Variants in DACH1 observed in about 807,000 individuals in gnomAD.
The protein encoded by DACH1 is dachshund family transcription factor 1, also known as dachshund homolog 1.
A neutral mutation model predicts 54.2 loss-of-function variants in DACH1; 12 were observed. The observed-to-expected ratio is 0.22, with a 90% CI of 0.14 to 0.36. The LOEUF is 0.36. Among genes scored for constraint, DACH1 ranks in the 10% least tolerant of loss-of-function variants. DACH1 has a pLI of 1.00. For synonymous variants in DACH1, 386 were observed against 366.2 expected (o/e 1.05, Z -0.62); for missense variants, 805 against 929.8 (o/e 0.87, Z 1.75).
intron 3 of DACH1, among the ~76,000 whole-genome samples, chr13:71,611,647 T>C (rs545790950): frequency 2.9e-4 from 44 of 152,310 alleles, no homozygotes; most frequent in Non-Finnish European, 5.1e-4. Context: ...AAAAAGCAAA[T>C]TGTATTGCTT....
At position 71,565,036 on chromosome 13, in the gene DACH1, C is replaced by T. The variant is rs552435348; in HGVS notation, c.1300-5081G>A. Among the ~76,000 whole-genome samples the T allele has an allele frequency of 9.0e-4, 137 of 152,172 alleles. 1 individual carries two copies. Among genetic ancestry groups the T allele is most frequent in the African/African-American group, 3.1e-3 (127 of 41,524 alleles). On this transcript the variant is annotated intron_variant, in intron 4 of 10. Coordinates refer to ENST00000613252, the MANE Select transcript of DACH1 (RefSeq NM_080759.6). The stretch of plus-strand genomic sequence containing the variant: ...TCCCTGGTTCAAGCAATTCTCCTAC[C>T]TCAGCCTCTGAGTAGCTGGGATTAC...
intron 7 of DACH1, among the ~76,000 whole-genome samples, chr13:71,482,446 G>A (rs560296485): frequency 1.5e-3 from 223 of 152,204 alleles, no homozygotes; most frequent in South Asian, 0.012. Context: ...AAGGTTTCTC[G>A]AGTGTCACTG....
chr13:71,781,978 T>C (rs1260235155), intron 1 of DACH1, among the ~76,000 whole-genome samples: 2 of 152,194 alleles, frequency 1.3e-5, no homozygotes, highest in Non-Finnish European at 2.9e-5. Flanking sequence ...ATTACTGCAA[T>C]AAGTACCAAT....
intron 6 of DACH1, among the ~76,000 whole-genome samples, chr13:71,513,025 G>A (rs949876510): frequency 4.0e-5 from 6 of 151,696 alleles, no homozygotes; most frequent in South Asian, 4.1e-4. Flanking sequence ...TAATAGACAC[G>A]GTAAAGAAAT....
At chr13:71,525,770 T>G (rs1415703903) in intron 6 of DACH1, among the ~76,000 whole-genome samples, 2 of 152,108 alleles carry the variant, frequency 1.3e-5, no homozygotes, top group Non-Finnish European at 2.9e-5. Context: ...ATCAAAAACT[T>G]TAAGATTAAT....
At chr13:71,545,953 G>T (rs1474154872) in intron 6 of DACH1, among the ~76,000 whole-genome samples, 2 of 152,092 alleles carry the variant, frequency 1.3e-5, no homozygotes, top group Non-Finnish European at 1.5e-5. Context: ...AAACTTAGAA[G>T]AAGAGCACAG....
At chr13:71,775,815 T>C (rs1566492811) in intron 1 of DACH1, among the ~76,000 whole-genome samples, 1 of 152,156 alleles carries the variant, frequency 6.6e-6, no homozygotes, top group Non-Finnish European at 1.5e-5. Context: ...ACATTAGTAT[T>C]TTCAATTTTA....
intron 7 of DACH1, among the ~76,000 whole-genome samples, chr13:71,485,919 G>GTT (rs1250564500): frequency 1.3e-5 from 2 of 151,516 alleles, no homozygotes; most frequent in East Asian, 3.9e-4. Flanking sequence ...CAGGAATTCA[G>GTT]TATAGCTCAA....
At chr13:71,716,293 G>A (rs751540210) in intron 1 of DACH1, among the ~76,000 whole-genome samples, 2 of 151,968 alleles carry the variant, frequency 1.3e-5, no homozygotes, top group Non-Finnish European at 2.9e-5. Flanking sequence ...ACTGACCTAA[G>A]TGTTCTATAT....
At position 71,440,630 on chromosome 13, in the gene DACH1, C is replaced by T. The variant is rs778020008; in HGVS notation, c.*25G>A. ...CTGACTGCAAAGTTCTTTTCTATAA[C>T]ATGGATTTCTTCAACAGGAAAGATT... On this transcript the variant is annotated 3_prime_UTR_variant, in exon 11 of 11. Transcript: ENST00000613252. 2.0e-5 allele frequency: 31 copies of T among 1,581,716 alleles called. No individual in the cohort carries two copies. Among genetic ancestry groups the T allele is most frequent in the Middle Eastern group, 1.7e-4 (1 of 6,000 alleles).
chr13:71,840,457 G>T (rs1872763496), intron 1 of DACH1, among the ~76,000 whole-genome samples: 1 of 152,020 alleles, frequency 6.6e-6, no homozygotes, highest in African/African-American at 2.4e-5. Context: ...TCTTGAGCTG[G>T]CCGGTTCCTA....
chr13:71,500,951 TCTTAA>T (rs546261675), intron 6 of DACH1, among the ~76,000 whole-genome samples: 221 of 152,208 alleles, frequency 1.5e-3, no homozygotes, highest in African/African-American at 2.1e-3. Context: ...GACCCCTTTA[TCTTAA>T]CTTAAGCATT....
intron 3 of DACH1, among the ~76,000 whole-genome samples, chr13:71,604,745 C>G (rs1417575946): frequency 6.6e-6 from 1 of 151,850 alleles, no homozygotes. Flanking sequence ...GGCAATGGAG[C>G]AATTTCTCAT....
chr13:71,856,160 A>T (rs1024768748), intron 1 of DACH1, among the ~76,000 whole-genome samples: 2 of 151,918 alleles, frequency 1.3e-5, no homozygotes, highest in African/African-American at 4.8e-5. Context: ...ATCAAATTTG[A>T]CCCAGAAGGC....
intron 6 of DACH1, among the ~76,000 whole-genome samples, chr13:71,497,859 GACACACACACACACACACACACAC>G (rs6145114): frequency 6.8e-6 from 1 of 146,314 alleles, no homozygotes; most frequent in Non-Finnish European, 1.5e-5. Flanking sequence ...AATATGTGTT[GACACACACACACACACACACACAC>G]ACACACACAC....
chr13:71,834,418 C>T (rs1467556825), intron 1 of DACH1, among the ~76,000 whole-genome samples: 1 of 151,858 alleles, frequency 6.6e-6, no homozygotes, highest in South Asian at 2.1e-4. Context: ...ATAACACGCC[C>T]GTGAAGTAAG....
At chr13:71,722,094 G>T (rs1883254392) in intron 1 of DACH1, among the ~76,000 whole-genome samples, 1 of 152,076 alleles carries the variant, frequency 6.6e-6, no homozygotes, top group Non-Finnish European at 1.5e-5. Flanking sequence ...TATACAACCA[G>T]CATATGCCAT....
chr13:71,563,487 G>C (rs1282319794), intron 4 of DACH1, among the ~76,000 whole-genome samples: 1 of 151,830 alleles, frequency 6.6e-6, no homozygotes, highest in Non-Finnish European at 1.5e-5. Flanking sequence ...CAATTATTAT[G>C]CCATTAAAAT....
intron 1 of DACH1, among the ~76,000 whole-genome samples, chr13:71,788,369 T>G (rs1256646549): frequency 6.6e-6 from 1 of 152,178 alleles, no homozygotes; most frequent in African/African-American, 2.4e-5. Context: ...GCCAAACCTG[T>G]GGCTTTTATA....
Sources: allele counts gnomAD v4.1 joint callset (sites outside exome capture counted in the v4.1 genomes callset), GRCh38; gene constraint gnomAD v4.1.1; transcripts MANE v1.5; gene names NCBI Gene and HGNC (gene_info 2026-07-23, HGNC 2026-07-21).